RIPOR3: variants seen among roughly 807,000 people sequenced by gnomAD.
The protein encoded by RIPOR3 is RIPOR family member 3, also known as family with sequence similarity 65 member C.
Under a neutral mutation model 114.3 loss-of-function variants are expected in RIPOR3, and 95 were observed. The observed-to-expected ratio is 0.83, with a 90% CI of 0.70 to 0.99. The LOEUF (loss-of-function observed/expected upper bound fraction) is 0.99. RIPOR3 is among the 50% of genes least tolerant of loss of function. The pLI, the probability that RIPOR3 is intolerant of heterozygous loss-of-function variation, is 0.00. For missense variants in RIPOR3, 1,252 were observed against 1,266.9 expected, an observed-to-expected ratio of 0.99 and a Z score of 0.18; for synonymous variants, 575 against 543.8, an observed-to-expected ratio of 1.06 and a Z score of -0.80.
intron 5 of RIPOR3, 110 bp downstream of exon 5, chr20:50,611,071 G>T: frequency 1.3e-6 from 2 of 1,576,472 alleles, no homozygotes; most frequent in South Asian, 2.2e-5. Context: ...CCTAAAATGG[G>T]GAGGAGACCC....
intron 1 of RIPOR3, among the ~76,000 whole-genome samples, chr20:50,641,596 G>T (rs2085197085): frequency 6.6e-6 from 1 of 152,144 alleles, no homozygotes. Context: ...CGGTGCCCAG[G>T]GAAGTCATAG....
Position 50,609,300 on chromosome 20 carries a change from C to A in RIPOR3, c.633G>T (p.Arg211Ser), listed in dbSNP as rs1413450586. Residue 211 changes from arginine to serine, a missense_variant, in exon 8 of 22, where the codon AGG becomes AGT. By Grantham distance (110) the Arg-to-Ser change is moderately radical. Transcript: ENST00000327979. ...LEVHLGEFHI[R>S]MKGLVGYARL... Reference sequence around the variant, plus strand: ...CCCTCTCAGCCCTGTTACCTTTCATCCTGATGTGGAACTCGCCCAGGTGAA... The same window carrying A: ...CCCTCTCAGCCCTGTTACCTTTCATACTGATGTGGAACTCGCCCAGGTGAA... 5 of 1,613,956 alleles carry A rather than the reference C, an allele frequency of 3.1e-6. No individual in the cohort carries two copies. The highest frequency in any genetic ancestry group is 4.2e-6 in the Non-Finnish European group (5 of 1,179,870).
intron 1 of RIPOR3, among the ~76,000 whole-genome samples, chr20:50,656,079 C>A (rs2085801093): frequency 6.6e-6 from 1 of 151,798 alleles, no homozygotes; most frequent in Admixed American, 6.6e-5. Flanking sequence ...GCGATCTTGG[C>A]TCACTGCAAC....
chr20:50,587,962 G>T, intron 20 of RIPOR3, 70 bp from the exon 21 acceptor site: 5 of 1,412,308 alleles, frequency 3.5e-6, no homozygotes, highest in Non-Finnish European at 5.0e-6. Flanking sequence ...CCACTTAGTG[G>T]CCCTGCAGGG....
intron 1 of RIPOR3, among the ~76,000 whole-genome samples, chr20:50,661,160 C>T (rs956431958): frequency 2.7e-4 from 41 of 150,496 alleles, no homozygotes; most frequent in South Asian, 2.2e-4. Flanking sequence ...ATCGCTTGAA[C>T]GCGGGAGGCG....
At position 50,594,710 on chromosome 20, in the gene RIPOR3, G is replaced by A. The variant is rs746730466; in HGVS notation, c.2055C>T (p.Ile685=). ...VGKATSIEEI[I]PQASRTKGCL... ...ACCCCTTCGTCCGCGAGGCCTGTGGGATGACTGAAAGCCCCAGTTCAGAAA... is the reference window on the plus strand; with the variant it reads ...ACCCCTTCGTCCGCGAGGCCTGTGGAATGACTGAAAGCCCCAGTTCAGAAA... Residue 685 remains isoleucine, a synonymous_variant, in exon 17 of 22, where the codon ATC becomes ATT. Coordinates refer to ENST00000327979, the MANE Select transcript of RIPOR3 (RefSeq NM_001290268.2). 5 of 1,608,854 alleles carry A rather than the reference G, an allele frequency of 3.1e-6. No individual in the cohort carries two copies. In the Admixed American group the frequency reaches 5.0e-5, roughly 16 times the overall value.
At chr20:50,666,317 C>G (rs188513050) in intron 1 of RIPOR3, among the ~76,000 whole-genome samples, 37 of 150,006 alleles carry the variant, frequency 2.5e-4, no homozygotes, top group Non-Finnish European at 4.4e-4. Flanking sequence ...CTCCGTCTCC[C>G]GGGTTCAAGC....
At chr20:50,590,251 A>G (rs1235830541) in intron 19 of RIPOR3, among the ~76,000 whole-genome samples, 1 of 152,194 alleles carries the variant, frequency 6.6e-6, no homozygotes, top group Non-Finnish European at 1.5e-5. Flanking sequence ...GACCATGGCC[A>G]CATCAGTTCA....
At chr20:50,644,841 T>A (rs905754468) in intron 1 of RIPOR3, among the ~76,000 whole-genome samples, 11 of 106,098 alleles carry the variant, frequency 1.0e-4, no homozygotes, top group Non-Finnish European at 1.7e-4. Context: ...TTTTTTATTT[T>A]TTATTTTTTT....
At chr20:50,611,461 G>C in intron 4 of RIPOR3, among the ~76,000 whole-genome samples, 1 of 152,180 alleles carries the variant, frequency 6.6e-6, no homozygotes, top group East Asian at 1.9e-4. Context: ...GCGTGTCCCA[G>C]GCAAGTCATT....
chr20:50,621,103 A>C, intron 2 of RIPOR3: 1 of 324,204 alleles, frequency 3.1e-6, no homozygotes, highest in Non-Finnish European at 5.7e-6. Flanking sequence ...CTCTCCCGGA[A>C]ATATAGAACA....
chr20:50,653,752 G>A (rs1268403409), intron 1 of RIPOR3, among the ~76,000 whole-genome samples: 1 of 151,812 alleles, frequency 6.6e-6, no homozygotes, highest in Non-Finnish European at 1.5e-5. Context: ...CACCCACTTG[G>A]CTACTTTTTG....
intron 3 of RIPOR3, among the ~76,000 whole-genome samples, chr20:50,618,305 G>A (rs541187372): frequency 4.0e-4 from 53 of 131,984 alleles, no homozygotes; most frequent in South Asian, 1.9e-3. Context: ...AAAAAAAGGC[G>A]TAAGTAGGAG....
intron 3 of RIPOR3, among the ~76,000 whole-genome samples, chr20:50,618,698 C>T (rs562168787): frequency 6.6e-6 from 1 of 152,222 alleles, no homozygotes; most frequent in Non-Finnish European, 1.5e-5. Flanking sequence ...GTCTCTCCCC[C>T]ACTAGGAGTC....
At chr20:50,595,076 A>C (rs1212834294) in intron 16 of RIPOR3, 19 of 496,300 alleles carry the variant, frequency 3.8e-5, no homozygotes, top group Non-Finnish European at 5.8e-5. Flanking sequence ...GGGTTACCTC[A>C]CTGAACCCCG....
In RIPOR3 at chr20:50,589,703, C is replaced by T. The variant is rs771829904; in HGVS notation, c.2644G>A (p.Ala882Thr). The T allele has an allele frequency of 3.7e-6, 6 of 1,613,746 alleles. No individual in the cohort carries two copies. In the Admixed American group the frequency reaches 8.3e-5, roughly 22 times the overall value. Reference protein sequence around the residue: ...DARLQQAACLALKHLKGIESI... With the variant: ...DARLQQAACLTLKHLKGIESI... ...AGGCTCACCTTGAGGTGTTTGAGCG[C>T]TAGGCATGCGGCCTGCTGGAGCCTT... The change falls in exon 20 of 22, where the codon GCG becomes ACG. Residue 882 changes from alanine (A) to threonine (T), a missense_variant. By Grantham distance (58) the Ala-to-Thr change is moderately conservative. Coordinates refer to ENST00000327979, the MANE Select transcript of RIPOR3 (RefSeq NM_001290268.2).
chr20:50,645,489 A>G (rs2085369583), intron 1 of RIPOR3: 1 of 152,290 alleles, frequency 6.6e-6, no homozygotes, highest in Non-Finnish European at 1.5e-5. Flanking sequence ...TCTGAGTGGT[A>G]AGAGGTGAGC....
At chr20:50,665,410 G>A (rs1035859162) in intron 1 of RIPOR3, among the ~76,000 whole-genome samples, 1 of 136,352 alleles carries the variant, frequency 7.3e-6, no homozygotes, top group Non-Finnish European at 1.6e-5. Context: ...TTGGCTCAGA[G>A]CCCCCTCTTC....
At chr20:50,658,108 G>C (rs527725592) in intron 1 of RIPOR3, among the ~76,000 whole-genome samples, 1 of 152,198 alleles carries the variant, frequency 6.6e-6, no homozygotes, top group East Asian at 1.9e-4. Context: ...GTACCCAAAA[G>C]AAGCGAAAGC....
Sources: gnomAD v4.1 joint callset for allele counts (sites outside exome capture counted in the v4.1 genomes callset) on GRCh38, gnomAD v4.1.1 for gene constraint, MANE v1.5 for transcripts, NCBI Gene and HGNC (gene_info 2026-07-23, HGNC 2026-07-21) for gene names.